ACAD11: variants seen among roughly 807,000 people sequenced by gnomAD.
ACAD11 encodes acyl-Coenzyme A dehydrogenase family, member 11.
A neutral mutation model predicts 102.2 loss-of-function variants in ACAD11; 83 were observed. The observed-to-expected ratio is 0.81, with a 90% confidence interval of 0.68 to 0.97. The LOEUF (loss-of-function observed/expected upper bound fraction) is 0.97. Ranked by LOEUF, ACAD11 falls within the 50% of genes least tolerant of loss-of-function variation. The pLI is 0.00. For synonymous variants in ACAD11, 324 were observed against 319.8 expected (o/e 1.01, Z -0.14); for missense variants, 901 against 951.7 (o/e 0.95, Z 0.70).
At chr3:132,589,145 C>T (rs919495490) in intron 13 of ACAD11, among the ~76,000 whole-genome samples, 1 of 152,204 alleles carries the variant, frequency 6.6e-6, no homozygotes, top group Non-Finnish European at 1.5e-5. Context: ...CAGGCACCAA[C>T]TCTATTGGTG....
chr3:132,623,401 TTCTCCAAATATAA>T (rs1322641299), intron 9 of ACAD11, among the ~76,000 whole-genome samples: 1 of 152,208 alleles, frequency 6.6e-6, no homozygotes, highest in East Asian at 1.9e-4. Context: ...CTATTTACTT[TTCTCCAAATATAA>T]TCTCCAAATA....
intron 5 of ACAD11, among the ~76,000 whole-genome samples, chr3:132,636,923 G>T (rs535391172): frequency 6.6e-6 from 1 of 152,130 alleles, no homozygotes; most frequent in African/African-American, 2.4e-5. Context: ...AGTGGGAACC[G>T]AGATGGGACA....
At chr3:132,595,974 T>C (rs1347940652) in intron 13 of ACAD11, among the ~76,000 whole-genome samples, 2 of 152,144 alleles carry the variant, frequency 1.3e-5, no homozygotes, top group African/African-American at 4.8e-5. Flanking sequence ...GACACATGCA[T>C]GCATATGTCC....
Position 132,634,759 on chromosome 3 carries a change from C to G in ACAD11, c.703-3280G>C, listed in dbSNP as rs576471216. The stretch of plus-strand genomic sequence containing the variant: ...TGATGAGTTCATGTCTTTGCAGGGA[C>G]ATGGATGAAGCTGGAAACCATCATT... On this transcript the variant is annotated intron_variant, in intron 5 of 19. Coordinates refer to ENST00000264990, the MANE Select transcript of ACAD11 (RefSeq NM_032169.5). Among the ~76,000 whole-genome samples, 12 of 152,174 alleles carry G rather than the reference C, an allele frequency of 7.9e-5. No individual in the cohort carries two copies. In the South Asian group the frequency reaches 2.5e-3, roughly 32 times the overall value.
intron 13 of ACAD11, among the ~76,000 whole-genome samples, chr3:132,589,199 ATT>A (rs1937971999): frequency 6.6e-6 from 1 of 152,162 alleles, no homozygotes. Flanking sequence ...TGAGAAATAC[ATT>A]TTTGTTGTTT....
In ACAD11 at chr3:132,559,012, C is replaced by G. The variant is rs780232149; in HGVS notation, c.2302G>C (p.Glu768Gln). The G allele has an allele frequency of 2.5e-6, 4 of 1,613,758 alleles. No homozygotes were observed. In the Admixed American group the frequency reaches 6.7e-5, roughly 27 times the overall value. Residue 768 changes from glutamate (E) to glutamine (Q), a missense_variant, in exon 20 of 20, where the codon GAG becomes CAG. By Grantham distance (29) the Glu-to-Gln change is conservative (BLOSUM62 2). Transcript: ENST00000264990. The part of the protein sequence containing the change: ...EVHLSAIATM[E>Q]LRDQAKRLTA... ...AGTCTTTTGGCTTGGTCCCGCAGCT[C>G]CATTGTTGCGATTGCTGAAAGATGA... is the stretch of plus-strand genomic sequence containing the variant.
chr3:132,641,826 A>G (rs1449119283), intron 4 of ACAD11, 146 bp downstream of exon 4: 3 of 652,794 alleles, frequency 4.6e-6, no homozygotes, highest in South Asian at 3.6e-5. Flanking sequence ...ATAATTTTAT[A>G]CTAAAAACTA....
intron 11 of ACAD11, among the ~76,000 whole-genome samples, chr3:132,611,206 T>C (rs1395014362): frequency 6.6e-6 from 1 of 152,072 alleles, no homozygotes; most frequent in African/African-American, 2.4e-5. Flanking sequence ...ATAAATTAGG[T>C]ATCAATGGGA....
intron 13 of ACAD11, among the ~76,000 whole-genome samples, chr3:132,587,600 C>CT (rs1373719258): frequency 1.3e-5 from 2 of 152,070 alleles, no homozygotes; most frequent in African/African-American, 4.8e-5. Flanking sequence ...GGGTGTTGGC[C>CT]TTCCCCCTTG....
chr3:132,584,002 G>T (rs1291207383), intron 13 of ACAD11, among the ~76,000 whole-genome samples: 4 of 152,212 alleles, frequency 2.6e-5, no homozygotes, highest in African/African-American at 9.7e-5. Context: ...TTTGGAATAG[G>T]TGTGGTGTGG....
intron 11 of ACAD11, among the ~76,000 whole-genome samples, chr3:132,607,110 C>G (rs1938878685): frequency 6.6e-6 from 1 of 152,172 alleles, no homozygotes; most frequent in Admixed American, 6.5e-5. Context: ...ACAAAAACTC[C>G]ATCTGAAGGT....
intron 9 of ACAD11, among the ~76,000 whole-genome samples, chr3:132,626,422 A>G (rs545642108): frequency 1.7e-4 from 26 of 151,468 alleles, no homozygotes; most frequent in Non-Finnish European, 2.6e-4. Context: ...TTACTGCCTT[A>G]GGACAAGGCC....
At chr3:132,620,333 C>A (rs1576596498) in intron 9 of ACAD11, 1 of 152,228 alleles carries the variant, frequency 6.6e-6, no homozygotes, top group East Asian at 1.9e-4. Context: ...AACTTTAAGC[C>A]AAAATTTAAG....
chr3:132,642,011 C>T lies in ACAD11; in HGVS notation c.498G>A (p.Leu166=). The part of the protein sequence containing the change: ...LHSLNIQSLQ[L]EGYGIGAGYC... The stretch of plus-strand genomic sequence containing the variant: ...ACCCAGCACCTATACCATATCCTTC[C>T]AGCTGCAGTGACTGTATATTCAAGG... The change falls in exon 4 of 20, where the codon CTG becomes CTA. Residue 166 remains leucine (L), a synonymous_variant. Transcript: ENST00000264990. The T allele has an allele frequency of 6.2e-7, 1 of 1,613,876 alleles. No homozygotes were observed. Among genetic ancestry groups the T allele is most frequent in the Non-Finnish European group, 8.5e-7 (1 of 1,179,860 alleles).
intron 1 of ACAD11, among the ~76,000 whole-genome samples, chr3:132,657,334 T>A (rs1937862144): frequency 6.6e-6 from 1 of 152,238 alleles, no homozygotes; most frequent in Non-Finnish European, 1.5e-5. Context: ...TTTATTGGTC[T>A]GTCTATCTCT....
intron 4 of ACAD11, among the ~76,000 whole-genome samples, chr3:132,641,629 GGAGGAAGAA>G (rs1402805043): frequency 6.8e-4 from 90 of 132,100 alleles, no homozygotes; most frequent in African/African-American, 2.1e-3. Flanking sequence ...AGGAAGAAGA[GGAGGAAGAA>G]GAGGAAGAAG....
chr3:132,642,034 A>G lies in ACAD11; in HGVS notation c.475T>C (p.Leu159=), dbSNP rs774287738. The change falls in exon 4 of 20, where the codon TTG becomes CTG. Residue 159 remains leucine, a synonymous_variant. Transcript: ENST00000264990. ...TCCAGCTGCAGTGACTGTATATTCA[A>G]GGAATGTAACTGAGCCAATGTTTCT... is the stretch of plus-strand genomic sequence containing the variant. ...TVETLAQLHS[L]NIQSLQLEGY... 6.2e-7 allele frequency: 1 copy of G among 1,614,082 alleles called. No individual in the cohort carries two copies.
In ACAD11 at chr3:132,626,781, A is replaced by G. The variant is rs772239067; in HGVS notation, c.1107T>C (p.Thr369=). The G allele has an allele frequency of 3.7e-6, 6 of 1,613,870 alleles. No individual in the cohort carries two copies. Among genetic ancestry groups the G allele is most frequent in the Non-Finnish European group, 4.2e-6 (5 of 1,179,950 alleles). ...TCCGAGTCTGTACAAACAACTGTCC[A>G]GTAGTATCAATCTGTGGTAGTACAG... ...FSTVLPQIDT[T]GQLFVQTRKG... Residue 369 remains threonine, a synonymous_variant, in exon 9 of 20, where the codon ACT becomes ACC. Transcript: ENST00000264990.
intron 2 of ACAD11, among the ~76,000 whole-genome samples, chr3:132,643,235 G>A (rs1940590558): frequency 6.6e-6 from 1 of 152,188 alleles, no homozygotes; most frequent in Non-Finnish European, 1.5e-5. Flanking sequence ...AAGAGCTGGG[G>A]GTGAGAGGTG....
Sources: gnomAD v4.1 joint callset for allele counts (sites outside exome capture counted in the v4.1 genomes callset) on GRCh38, gnomAD v4.1.1 for gene constraint, MANE v1.5 for transcripts, NCBI Gene and HGNC (gene_info 2026-07-23, HGNC 2026-07-21) for gene names.